The following SYNGR1 variants were observed in gnomAD, a reference collection of about 807,000 sequenced individuals.
The protein encoded by SYNGR1 is synaptogyrin-1.
SYNGR1 carries 14 observed loss-of-function variants against 26.1 expected under a neutral mutation model. The ratio of observed to expected loss-of-function variants is 0.54; its 90% CI spans 0.35 to 0.84. SYNGR1 has a LOEUF of 0.84. Among genes scored for constraint, SYNGR1 ranks in the 40% least tolerant of loss-of-function variants. The probability of loss-of-function intolerance (pLI) is 0.01; values close to 1 mark genes in which losing one functional copy is unlikely to be tolerated. For missense variants in SYNGR1, 319 were observed against 332.9 expected (o/e 0.96, Z 0.33); for synonymous variants, 141 against 150.1 (o/e 0.94, Z 0.44).
At chr22:39,362,983 T>C (rs1003938797) in intron 1 of SYNGR1, among the ~76,000 whole-genome samples, 6 of 152,168 alleles carry the variant, frequency 3.9e-5, no homozygotes, top group African/African-American at 1.4e-4. Context: ...AGAAAATTAA[T>C]TGAGGCACTG....
intron 1 of SYNGR1, among the ~76,000 whole-genome samples, chr22:39,368,531 A>G (rs1446152621): frequency 6.6e-6 from 1 of 152,190 alleles, no homozygotes; most frequent in Non-Finnish European, 1.5e-5. Context: ...GGCCCCGCCC[A>G]GTCCCTCCGA....
At chr22:39,369,007 C>T (rs1055050519) in intron 1 of SYNGR1, among the ~76,000 whole-genome samples, 3 of 152,208 alleles carry the variant, frequency 2.0e-5, no homozygotes, top group African/African-American at 7.2e-5. Context: ...ATCTGAGGCT[C>T]GGAGAGGTTA....
intron 1 of SYNGR1, among the ~76,000 whole-genome samples, chr22:39,361,083 T>C (rs2145613060): frequency 6.6e-6 from 1 of 152,328 alleles, no homozygotes; most frequent in South Asian, 2.1e-4. Context: ...CTGTGAAGCC[T>C]TCCTGGATTC....
At chr22:39,356,960 A>AAGG (rs1347240588) in intron 1 of SYNGR1, among the ~76,000 whole-genome samples, 2 of 152,100 alleles carry the variant, frequency 1.3e-5, no homozygotes. Flanking sequence ...GTCAGTCTTT[A>AAGG]AAGAAGTGAT....
intron 1 of SYNGR1, among the ~76,000 whole-genome samples, chr22:39,353,902 T>C (rs1924027259): frequency 6.6e-6 from 1 of 152,198 alleles, no homozygotes; most frequent in Admixed American, 6.5e-5. Flanking sequence ...TCTCGCTCTG[T>C]CTCCAGGCTA....
At chr22:39,365,322 A>G (rs935859690) in intron 1 of SYNGR1, among the ~76,000 whole-genome samples, 1 of 152,224 alleles carries the variant, frequency 6.6e-6, no homozygotes, top group African/African-American at 2.4e-5. Flanking sequence ...TGCCTGGCAC[A>G]GGGCACCAGC....
intron 1 of SYNGR1, among the ~76,000 whole-genome samples, chr22:39,353,684 G>A (rs570532663): frequency 9.4e-4 from 143 of 152,282 alleles, no homozygotes; most frequent in African/African-American, 3.3e-3. Context: ...GGTGACTGCC[G>A]CCTGTCAGTG....
chr22:39,355,096 C>T (rs1924086074), intron 1 of SYNGR1, among the ~76,000 whole-genome samples: 1 of 152,188 alleles, frequency 6.6e-6, no homozygotes, highest in South Asian at 2.1e-4. Context: ...ACTCTCGCTC[C>T]AATAACGAGA....
chr22:39,365,732 C>G (rs900033703), intron 1 of SYNGR1, among the ~76,000 whole-genome samples: 1 of 152,146 alleles, frequency 6.6e-6, no homozygotes, highest in Non-Finnish European at 1.5e-5. Context: ...CACTTGTGGA[C>G]CAGCAGGCTG....
intron 2 of SYNGR1, chr22:39,375,618 G>A: frequency 2.2e-6 from 1 of 458,170 alleles, no homozygotes; most frequent in East Asian, 3.6e-5. Context: ...GCAGCCTGAG[G>A]GTTGGGGTCT....
rs147749847 is a variant in SYNGR1 at position 39,368,855 on chromosome 22, G to T, written c.100-5461G>T. Among the ~76,000 whole-genome samples, 91 of 152,312 alleles carry T rather than the reference G, an allele frequency of 6.0e-4. No individual in the cohort carries two copies. The East Asian group carries it at 0.016, about 27-fold the overall frequency. On this transcript the variant is annotated intron_variant, in intron 1 of 3. Transcript: ENST00000328933. Reference sequence around the variant, plus strand: ...GTAAGTGTTCGAGAGGGGCCTTCCTGGTGTTATTCCTCTTTTCTGGGGCCT... The same window carrying T: ...GTAAGTGTTCGAGAGGGGCCTTCCTTGTGTTATTCCTCTTTTCTGGGGCCT...
chr22:39,378,414 G>C, intron 3 of SYNGR1: 1 of 982,918 alleles, frequency 1.0e-6, no homozygotes, highest in Non-Finnish European at 1.2e-6. Flanking sequence ...TCTCCAGAGA[G>C]TCAGGGGCAC....
At position 39,350,457 on chromosome 22, in the gene SYNGR1, C is replaced by T. The variant is rs1024828142; in HGVS notation, c.99+348C>T. ...GATTGTGCGCGGCCGCCAGGGCGGA[C>T]TGGGGACCGTGGGGACGGAGCCAGG... On this transcript the variant is annotated intron_variant, in intron 1 of 3. Coordinates refer to ENST00000328933, the MANE Select transcript of SYNGR1 (RefSeq NM_004711.5). This position sits in a 1 kb window ranked among gnomAD's most constrained non-coding sequence, Gnocchi z 4.3. Among the ~76,000 whole-genome samples the T allele has an allele frequency of 2.0e-5, 3 of 152,164 alleles. No individual in the cohort carries two copies. Among genetic ancestry groups the T allele is most frequent in the Non-Finnish European group, 4.4e-5 (3 of 68,036 alleles).
At chr22:39,358,873 A>G (rs568503750) in intron 1 of SYNGR1, among the ~76,000 whole-genome samples, 1 of 152,158 alleles carries the variant, frequency 6.6e-6, no homozygotes, top group African/African-American at 2.4e-5. Context: ...CTTCACAGAT[A>G]GAGTTTTGCT....
chr22:39,352,220 A>G (rs1305881432), intron 1 of SYNGR1, among the ~76,000 whole-genome samples: 2 of 152,188 alleles, frequency 1.3e-5, no homozygotes, highest in Admixed American at 6.5e-5. Context: ...GGACCAACCA[A>G]TGCTCAAACG....
Position 39,384,224 on chromosome 22 carries a change from G to A in SYNGR1, c.*2310G>A, listed in dbSNP as rs569004356. 23 of 298,390 alleles carry A rather than the reference G, an allele frequency of 7.7e-5. No homozygotes were observed. The Middle Eastern group carries it at 2.7e-3, about 35-fold the overall frequency. The allele number at this position is 298,390 out of a possible 1,614,324, so 18.5% of individuals were successfully genotyped here. On this transcript the variant is annotated 3_prime_UTR_variant, in exon 4 of 4. Transcript: ENST00000328933. ...CTGATGGGCACTAGGAGACCTCAGG[G>A]TACTGCCCATCTGTTTCTCCTCGGG...
Position 39,374,315 on chromosome 22 carries a change from G to A in SYNGR1, c.100-1G>A. On this transcript the variant is annotated splice_acceptor_variant, in intron 1 of 3. Transcript: ENST00000328933. LOFTEE classifies it high-confidence loss of function. ...CTAAGGTGTGGCCCCACCCCCGACA[G>A]CTGTTCTCCATAGTGGTGTTCGGCT... 1 of 1,613,814 alleles carries A rather than the reference G, an allele frequency of 6.2e-7. No homozygotes were observed. The highest frequency in any genetic ancestry group is 8.5e-7 in the Non-Finnish European group (1 of 1,179,994).
chr22:39,377,550 C>T (rs1475613353), intron 3 of SYNGR1: 1 of 1,601,574 alleles, frequency 6.2e-7, no homozygotes, highest in East Asian at 2.2e-5. Flanking sequence ...CCTCCTGGCA[C>T]CTCTGCAGCT....
At chr22:39,361,907 G>C (rs572463219) in intron 1 of SYNGR1, among the ~76,000 whole-genome samples, 20 of 152,216 alleles carry the variant, frequency 1.3e-4, no homozygotes, top group South Asian at 6.2e-4. Context: ...AGGCCCTGGG[G>C]GGGTACAGGA....
Sources: gnomAD v4.1 joint callset for allele counts (sites outside exome capture counted in the v4.1 genomes callset) on GRCh38, gnomAD v4.1.1 for gene constraint, Gnocchi (gnomAD v3.1) non-coding constraint, MANE v1.5 for transcripts, NCBI Gene and HGNC (gene_info 2026-07-23, HGNC 2026-07-21) for gene names.